PLA2G4B: variants seen among roughly 807,000 people sequenced by gnomAD.
The protein encoded by PLA2G4B is cytosolic phospholipase A2 beta.
In PLA2G4B, 122 loss-of-function variants were observed where a neutral mutation model predicts 95.8. That is an observed-to-expected ratio of 1.27 (90% CI 1.10 to 1.48). PLA2G4B has a LOEUF of 1.48. PLA2G4B is among the 40% of genes most tolerant of loss of function. The pLI is 0.00. For synonymous variants in PLA2G4B, 518 were observed against 421.5 expected (o/e 1.23, Z -2.80); for missense variants, 1,158 against 996.2 (o/e 1.16, Z -2.19).
chr15:41,845,474 C>A, intron 14 of PLA2G4B, 154 bp downstream of exon 14: 1 of 1,455,320 alleles, frequency 6.9e-7, no homozygotes, highest in East Asian at 2.4e-5. Context: ...TCCCTCAGCC[C>A]TTTGGGAAGG....
chr15:41,838,851 A>G lies in PLA2G4B; in HGVS notation c.-63A>G. On this transcript the variant is annotated 5_prime_UTR_variant, in exon 1 of 20. Coordinates refer to ENST00000458483, the MANE Select transcript of PLA2G4B (RefSeq NM_001114633.2). The stretch of plus-strand genomic sequence containing the variant: ...TCACATCCCTGGCTCTGGGTTAGAA[A>G]GCTGACAGTCCTTGATCCTGTGGCC... The G allele has an allele frequency of 6.5e-7, 1 of 1,529,654 alleles. No individual in the cohort carries two copies. Among genetic ancestry groups the G allele is most frequent in the South Asian group, 1.2e-5 (1 of 84,264 alleles). 94.8% of individuals were successfully genotyped at this position (1,529,654 alleles called of 1,614,324 possible).
At position 41,843,609 on chromosome 15, in the gene PLA2G4B, A is replaced by C; in HGVS notation, c.744-67A>C. 2.5e-6 allele frequency: 4 copies of C among 1,577,476 alleles called. No homozygotes were observed. In the South Asian group the frequency reaches 3.5e-5, roughly 14 times the overall value. ...GGGCAGTAGGTATTACAGGTGAGGCAGACCCAGCTTTCCATTCTCTGGGGA... is the reference window on the plus strand; with the variant it reads ...GGGCAGTAGGTATTACAGGTGAGGCCGACCCAGCTTTCCATTCTCTGGGGA... On this transcript the variant is annotated intron_variant, in intron 10 of 19. Coordinates refer to ENST00000458483, the MANE Select transcript of PLA2G4B (RefSeq NM_001114633.2).
At position 41,841,888 on chromosome 15, in the gene PLA2G4B, C is replaced by G. The variant is rs149117126; in HGVS notation, c.560C>G (p.Thr187Ser). The change falls in exon 8 of 20, where the codon ACT (threonine) becomes AGT (serine). Residue 187 changes from threonine to serine, a missense_variant. Thr to Ser is a moderately conservative substitution (Grantham distance 58, BLOSUM62 1). Coordinates refer to ENST00000458483, the MANE Select transcript of PLA2G4B (RefSeq NM_001114633.2). ...GGTCCGCAGGAGGCCTCTGTGGGCACTGGCACCTTCCGCTTCCACTGCCCA... is the reference window on the plus strand; with the variant it reads ...GGTCCGCAGGAGGCCTCTGTGGGCAGTGGCACCTTCCGCTTCCACTGCCCA... ...CEGPQEASVG[T>S]GTFRFHCPAC... The G allele has an allele frequency of 3.3e-5, 53 of 1,613,290 alleles. No homozygotes were observed. The highest frequency in any genetic ancestry group is 1.6e-4 in the Middle Eastern group (1 of 6,078).
At chr15:41,841,679 C>A (rs1391825320) in intron 7 of PLA2G4B, 108 bp downstream of exon 7, 2 of 1,568,788 alleles carry the variant, frequency 1.3e-6, no homozygotes, top group South Asian at 2.3e-5. Context: ...TAGGCCTTCT[C>A]GGGGGACTGT....
rs2065399802 is a variant in PLA2G4B, at chr15:41,840,203, GC to G, written c.58del (p.His20IlefsTer8). On this transcript the variant is annotated frameshift_variant, in exon 2 of 20. Coordinates refer to ENST00000458483, the MANE Select transcript of PLA2G4B (RefSeq NM_001114633.2). LOFTEE classifies it high-confidence loss of function. ...CCTGCTCACGGTTCGTGTCCTGCAG[GC>G]CCATCGCCTACCCTCTAAGGACCTA... ...TCLLTVRVLQ[A>X]HRLPSKDLVT... is the part of the protein sequence containing the mutation. 6 of 1,613,258 alleles carry G rather than the reference GC, an allele frequency of 3.7e-6. No homozygotes were observed. The highest frequency in any genetic ancestry group is 5.1e-6 in the Non-Finnish European group (6 of 1,180,004).
At chr15:41,846,572 G>A in intron 17 of PLA2G4B, 97 bp from the exon 18 acceptor site, 7 of 1,521,086 alleles carry the variant, frequency 4.6e-6, no homozygotes, top group Non-Finnish European at 6.2e-6. Context: ...TGTTGGTTCA[G>A]CAGGAGAGCA....
chr15:41,842,672 G>T (rs892418664), intron 10 of PLA2G4B, 81 bp downstream of exon 10: 2 of 1,528,152 alleles, frequency 1.3e-6, no homozygotes, highest in Non-Finnish European at 1.8e-6. Context: ...GAGGAGTGAG[G>T]GGGAGAAACA....
rs1354819864 is a variant in PLA2G4B, at chr15:41,846,784, G to C, written c.1896G>C (p.Arg632=). The change falls in exon 18 of 20, where the codon CGG becomes CGC. Residue 632 remains arginine, a synonymous_variant. Coordinates refer to ENST00000458483, the MANE Select transcript of PLA2G4B (RefSeq NM_001114633.2). The part of the protein sequence containing the change: ...TSCLPLLQPT[R]DVDLILSLDY... ...GCCTGCCCCTCCTGCAGCCCACTCG[G>C]GACGTGGACCTCATCCTGTCATTGG... 1 of 1,613,898 alleles carries C rather than the reference G, an allele frequency of 6.2e-7. No homozygotes were observed.
At position 41,841,566 on chromosome 15, in the gene PLA2G4B, A is replaced by G. The variant is rs775640481; in HGVS notation, c.485A>G (p.Gln162Arg). The G allele has an allele frequency of 1.2e-6, 2 of 1,614,024 alleles. No homozygotes were observed. Among genetic ancestry groups the G allele is most frequent in the African/African-American group, 1.3e-5 (1 of 74,988 alleles). Residue 162 changes from glutamine to arginine, a missense_variant, in exon 7 of 20, where the codon CAG becomes CGG. Transcript: ENST00000458483. Reference sequence around the variant, plus strand: ...GTTCAACTGGAGGAGACAGGAGACCAGAAGTGTGAGTCCCCAACCCACTGG... The same window carrying G: ...GTTCAACTGGAGGAGACAGGAGACCGGAAGTGTGAGTCCCCAACCCACTGG... ...LHVQLEETGD[Q>R]KSSEHRVQLV... is the part of the protein sequence containing the mutation.
chr15:41,846,846 G>A lies in PLA2G4B; in HGVS notation c.1947+11G>A. ...CACGGAGCCTTCCAGGTTGGGAAGG[G>A]TGGGCAGCCCACCAGGGAGGCGGTG... On this transcript the variant is annotated intron_variant, in intron 18 of 19. Transcript: ENST00000458483. 1 of 1,598,408 alleles carries A rather than the reference G, an allele frequency of 6.3e-7. No homozygotes were observed. The highest frequency in any genetic ancestry group is 8.6e-7 in the Non-Finnish European group (1 of 1,168,014).
chr15:41,844,574 T>C lies in PLA2G4B; in HGVS notation c.983T>C (p.Val328Ala). The change falls in exon 12 of 20, where the codon GTC becomes GCC. Residue 328 changes from valine (V) to alanine (A), a missense_variant. Physicochemically the swap from Val to Ala is moderately conservative, Grantham distance 64. Transcript: ENST00000458483. ...AAGGAGCTGGGCCTCTTGGATTGCG[T>C]CTCCTACATCACCGGGGCCTCGGGC... ...GLKELGLLDC[V>A]SYITGASGST... The C allele has an allele frequency of 1.2e-6, 2 of 1,614,100 alleles. No individual in the cohort carries two copies. The highest frequency in any genetic ancestry group is 1.7e-6 in the Non-Finnish European group (2 of 1,180,010).
rs745955803 is a variant in PLA2G4B, at chr15:41,841,815, C to G, written c.491-4C>G. The G allele has an allele frequency of 3.7e-6, 6 of 1,613,068 alleles. No individual in the cohort carries two copies. The Admixed American group carries it at 5.0e-5, about 13-fold the overall frequency. On this transcript the variant is annotated splice_polypyrimidine_tract_variant and splice_region_variant and intron_variant, in intron 7 of 19. Transcript: ENST00000458483. ...AGCCTCTCTGCTCTGGTTCCTGTTT[C>G]CAGCCTCAGAGCACAGAGTTCAGCT...
Position 41,846,677 on chromosome 15 carries a change from C to G in PLA2G4B, c.1789C>G (p.Leu597Val), listed in dbSNP as rs2065555307. Residue 597 changes from leucine (L) to valine (V), a missense_variant, in exon 18 of 20, where the codon CTG (leucine) becomes GTG (valine). Leu to Val is a conservative substitution (Grantham distance 32, BLOSUM62 1). Transcript: ENST00000458483. ...TCTCCCCAACCTTCCAGCTACCACT[C>G]TGGATGGGCTCCCCAACCAGCTGAC... is the stretch of plus-strand genomic sequence containing the variant. ...PHFSTWKATTLDGLPNQLTPS... is the reference protein window; with the variant it reads ...PHFSTWKATTVDGLPNQLTPS... 1 of 1,609,770 alleles carries G rather than the reference C, an allele frequency of 6.2e-7. No individual in the cohort carries two copies. The highest frequency in any genetic ancestry group is 8.5e-7 in the Non-Finnish European group (1 of 1,177,182).
intron 18 of PLA2G4B, among the ~76,000 whole-genome samples, chr15:41,847,104 C>T (rs1343877061): frequency 6.6e-6 from 1 of 152,176 alleles, no homozygotes; most frequent in Non-Finnish European, 1.5e-5. Flanking sequence ...TCTGCTTTGG[C>T]TCCCAGTGTC....
chr15:41,846,540 C>T (rs1315782624), intron 17 of PLA2G4B, 129 bp from the exon 18 acceptor site: 2 of 1,505,450 alleles, frequency 1.3e-6, no homozygotes, highest in Admixed American at 4.3e-5. Flanking sequence ...GGACCCAGGG[C>T]CCACCTGCAG....
At chr15:41,845,813 C>T (rs1438106263) in intron 15 of PLA2G4B, 38 bp downstream of exon 15, 5 of 1,561,940 alleles carry the variant, frequency 3.2e-6, no homozygotes, top group Non-Finnish European at 4.3e-6. Context: ...CTGGGCCGAG[C>T]AGGGAAAATG....
At position 41,840,511 on chromosome 15, in the gene PLA2G4B, TTCCTTCCCGCA is replaced by T; in HGVS notation, c.83-12_83-2del. The T allele has an allele frequency of 6.2e-7, 1 of 1,613,520 alleles. No homozygotes were observed. On this transcript the variant is annotated splice_acceptor_variant and splice_polypyrimidine_tract_variant and intron_variant, in intron 2 of 19. Coordinates refer to ENST00000458483, the MANE Select transcript of PLA2G4B (RefSeq NM_001114633.2). LOFTEE classifies it high-confidence loss of function. ...GCTCTTGTCCACCGCTGGGCACTTG[TTCCTTCCCGCA>T]GTGACCCCCTCTGACTGCTACGTGA...
At chr15:41,847,017 C>G (rs1026339039) in intron 18 of PLA2G4B, among the ~76,000 whole-genome samples, 182 bp downstream of exon 18, 1 of 152,134 alleles carries the variant, frequency 6.6e-6, no homozygotes, top group Admixed American at 6.5e-5. Context: ...TGGCGAGGTT[C>G]TCCTGGTATC....
chr15:41,846,943 A>AT (rs2065566726), intron 18 of PLA2G4B, 108 bp downstream of exon 18: 2 of 1,376,796 alleles, frequency 1.5e-6, no homozygotes, highest in Non-Finnish European at 1.9e-6. Flanking sequence ...AGGAGCTGTG[A>AT]TTGGGACACT....
Sources: allele counts gnomAD v4.1 joint callset (sites outside exome capture counted in the v4.1 genomes callset), GRCh38; gene constraint gnomAD v4.1.1; transcripts MANE v1.5; gene names NCBI Gene and HGNC (gene_info 2026-07-23, HGNC 2026-07-21).